The following DHX32 variants were observed in gnomAD, a reference collection of about 807,000 sequenced individuals.
The protein encoded by DHX32 is putative pre-mRNA-splicing factor ATP-dependent RNA helicase DHX32.
DHX32 carries 51 observed loss-of-function variants against 70.0 expected under a neutral mutation model. That is an observed-to-expected ratio of 0.73 (90% CI 0.58 to 0.92). The LOEUF is 0.92. DHX32 is among the 40% of genes least tolerant of loss of function. DHX32 has a pLI of 0.00. For missense variants in DHX32, 762 were observed against 891.8 expected (o/e 0.85, Z 1.85); for synonymous variants, 310 against 315.3 (o/e 0.98, Z 0.18).
chr10:125,837,530 C>T (rs769809359), intron 10 of DHX32, among the ~76,000 whole-genome samples: 11 of 152,140 alleles, frequency 7.2e-5, no homozygotes, highest in Non-Finnish European at 1.5e-4. Flanking sequence ...TGGGCTCAAG[C>T]GATCCTCTGT....
chr10:125,868,421 C>G (rs973541220), intron 1 of DHX32, among the ~76,000 whole-genome samples: 5 of 152,086 alleles, frequency 3.3e-5, no homozygotes, highest in African/African-American at 1.2e-4. Context: ...TTATGAAATT[C>G]TTAGATCTGA....
intron 10 of DHX32, 138 bp from the exon 11 acceptor site, chr10:125,836,993 C>T: frequency 1.4e-6 from 1 of 700,966 alleles, no homozygotes; most frequent in East Asian, 2.7e-5. Flanking sequence ...GATAGTATCT[C>T]AGTCCGACTT....
intron 1 of DHX32, among the ~76,000 whole-genome samples, chr10:125,893,544 G>C (rs1944383823): frequency 6.6e-6 from 1 of 152,206 alleles, no homozygotes; most frequent in South Asian, 2.1e-4. Context: ...CGCCCGGCCA[G>C]TGTCCTTTAG....
chr10:125,892,736 A>T (rs1589721422), intron 1 of DHX32, among the ~76,000 whole-genome samples: 1 of 152,394 alleles, frequency 6.6e-6, no homozygotes, highest in Non-Finnish European at 1.5e-5. Flanking sequence ...CCTTTATATT[A>T]AAAAAGTTCA....
chr10:125,851,179 T>G (rs907419156), intron 6 of DHX32, among the ~76,000 whole-genome samples: 6 of 152,228 alleles, frequency 3.9e-5, no homozygotes, highest in African/African-American at 1.4e-4. Flanking sequence ...CAATTATAAG[T>G]TGAATTAAAT....
At chr10:125,873,003 C>T (rs1944264181) in intron 1 of DHX32, among the ~76,000 whole-genome samples, 1 of 152,208 alleles carries the variant, frequency 6.6e-6, no homozygotes, top group South Asian at 2.1e-4. Context: ...ATTCCCAACT[C>T]CGGGCAGCAC....
chr10:125,854,139 A>G lies in DHX32; in HGVS notation c.914T>C (p.Leu305Pro). 2 of 1,613,926 alleles carry G rather than the reference A, an allele frequency of 1.2e-6. No homozygotes were observed. The highest frequency in any genetic ancestry group is 1.7e-6 in the Non-Finnish European group (2 of 1,179,980). ...GSNLNPDLGE[L>P]VVVPLYPKEK... ...TTTTGGATACAAAGGAACAACCACCAGTTCTCCAAGATCTGGGTTTAGGTT... is the reference window on the plus strand; with the variant it reads ...TTTTGGATACAAAGGAACAACCACCGGTTCTCCAAGATCTGGGTTTAGGTT... Residue 305 changes from leucine to proline, a missense_variant, in exon 4 of 11, where the codon CTG becomes CCG. Coordinates refer to ENST00000284690, the MANE Select transcript of DHX32 (RefSeq NM_018180.3).
At chr10:125,853,296 C>T (rs555755243) in intron 4 of DHX32, 44 of 1,039,230 alleles carry the variant, frequency 4.2e-5, no homozygotes, top group African/African-American at 3.3e-4. Flanking sequence ...TAAAACATCT[C>T]GGCACCTAGT....
chr10:125,836,519 C>G lies in DHX32; in HGVS notation c.*168G>C. ...GCATGGAGTAGTAATTTAAAGAACT[C>G]AATAAAAACTTCTATTTTTTATTTT... On this transcript the variant is annotated 3_prime_UTR_variant, in exon 11 of 11. Transcript: ENST00000284690. The G allele has an allele frequency of 1.5e-6, 2 of 1,339,254 alleles. No homozygotes were observed. The highest frequency in any genetic ancestry group is 3.6e-5 in the South Asian group (2 of 55,690). 83.0% of individuals were successfully genotyped at this position (1,339,254 alleles called of 1,614,324 possible). A position where few individuals can be genotyped will look rare whatever the true frequency, so the allele number is the denominator to read the frequency against.
intron 6 of DHX32, 81 bp from the exon 7 acceptor site, chr10:125,842,015 A>G: frequency 1.4e-6 from 2 of 1,418,974 alleles, no homozygotes; most frequent in South Asian, 1.6e-5. Flanking sequence ...TCCCTCCTGC[A>G]TGAAACAAGC....
intron 6 of DHX32, among the ~76,000 whole-genome samples, chr10:125,848,817 A>G (rs946760758): frequency 3.9e-5 from 6 of 152,206 alleles, no homozygotes; most frequent in Non-Finnish European, 8.8e-5. Flanking sequence ...TCACTTTTCT[A>G]AGGGGCATGC....
At chr10:125,852,782 A>G in intron 4 of DHX32, 140 bp from the exon 5 acceptor site, 1 of 770,742 alleles carries the variant, frequency 1.3e-6, no homozygotes, top group Non-Finnish European at 2.0e-6. Flanking sequence ...CACGATATTT[A>G]TTATTGTTTC....
upstream of DHX32, among the ~76,000 whole-genome samples, chr10:125,884,357 A>G (rs1326425106): frequency 6.6e-6 from 1 of 152,210 alleles, no homozygotes; most frequent in African/African-American, 2.4e-5. Flanking sequence ...AACAAATAAT[A>G]TGGTAGGTTA....
chr10:125,845,334 C>G (rs1286518102), intron 6 of DHX32, among the ~76,000 whole-genome samples: 1 of 152,188 alleles, frequency 6.6e-6, no homozygotes, highest in African/African-American at 2.4e-5. Flanking sequence ...TACTTTCTGC[C>G]TAATCTGGCA....
chr10:125,874,506 G>A, intron 1 of DHX32, among the ~76,000 whole-genome samples: 1 of 152,170 alleles, frequency 6.6e-6, no homozygotes. Context: ...TCTTGAAGAT[G>A]ATAAATTCTA....
At chr10:125,848,694 C>A (rs1216758736) in intron 6 of DHX32, among the ~76,000 whole-genome samples, 1 of 152,202 alleles carries the variant, frequency 6.6e-6, no homozygotes, top group Non-Finnish European at 1.5e-5. Context: ...GCTTCTCACA[C>A]CCATTAAAAC....
At chr10:125,840,657 G>C (rs971969118) in intron 8 of DHX32, among the ~76,000 whole-genome samples, 190 bp downstream of exon 8, 1 of 152,254 alleles carries the variant, frequency 6.6e-6, no homozygotes, top group African/African-American at 2.4e-5. Flanking sequence ...CCAGAGCTCC[G>C]TGGGAGCAGG....
intron 1 of DHX32, among the ~76,000 whole-genome samples, chr10:125,867,903 A>T (rs992157912): frequency 1.3e-5 from 2 of 152,202 alleles, no homozygotes; most frequent in Non-Finnish European, 2.9e-5. Context: ...AGCAATGTAA[A>T]TTATAGATAG....
chr10:125,838,241 G>A lies in DHX32; in HGVS notation c.2028C>T (p.Asn676=). 1 of 1,612,054 alleles carries A rather than the reference G, an allele frequency of 6.2e-7. No individual in the cohort carries two copies. ...AGATTTCTGAGGTAATCCTGATGTA[G>A]TTGTTCTCAGAAATGCTGAATTTAT... ...LFHKFSISEN[N]YIRITSEISP... is the part of the protein sequence containing the mutation. The change falls in exon 10 of 11, where the codon AAC becomes AAT. Residue 676 remains asparagine (N), a synonymous_variant. Transcript: ENST00000284690.
Sources: allele counts gnomAD v4.1 joint callset (sites outside exome capture counted in the v4.1 genomes callset), GRCh38; gene constraint gnomAD v4.1.1; transcripts MANE v1.5; gene names NCBI Gene and HGNC (gene_info 2026-07-23, HGNC 2026-07-21).